Variants in SCAMP1 observed in about 807,000 individuals in gnomAD.
SCAMP1 encodes secretory carrier-associated membrane protein 1.
A neutral mutation model predicts 41.8 loss-of-function variants in SCAMP1; 15 were observed. The ratio of observed to expected loss-of-function variants is 0.36; its 90% CI spans 0.24 to 0.55. SCAMP1 has a LOEUF of 0.55. Among genes scored for constraint, SCAMP1 ranks in the 20% least tolerant of loss-of-function variants. The pLI, the probability that SCAMP1 is intolerant of heterozygous loss-of-function variation, is 0.86. For synonymous variants in SCAMP1, 135 were observed against 136.8 expected (o/e 0.99, Z 0.09); for missense variants, 341 against 412.6 (o/e 0.83, Z 1.50).
intron 2 of SCAMP1, among the ~76,000 whole-genome samples, chr5:78,398,496 C>G (rs10067296): frequency 0.37 from 53,425 of 145,160 alleles, 11,886 homozygotes; most frequent in Non-Finnish European, 0.5. Flanking sequence ...TCCCAAAATG[C>G]TAGGATTACA....
At chr5:78,467,153 T>G (rs1181519743) in intron 8 of SCAMP1, among the ~76,000 whole-genome samples, 2 of 152,192 alleles carry the variant, frequency 1.3e-5, no homozygotes, top group Non-Finnish European at 2.9e-5. Flanking sequence ...AACTTTAGGC[T>G]GGATTTCTAG....
At position 78,453,398 on chromosome 5, in the gene SCAMP1, A is replaced by C. The variant is rs1016049316; in HGVS notation, c.734+3364A>C. On this transcript the variant is annotated intron_variant, in intron 7 of 8. Transcript: ENST00000621999. ...GGAAGGGATCCAGTTTCAGCTTTCT[A>C]CATATGGCTAGCCAGTTTTCCCAGC... is the stretch of plus-strand genomic sequence containing the variant. Among the ~76,000 whole-genome samples, 312 of 150,276 alleles carry C rather than the reference A, an allele frequency of 2.1e-3. 1 individual carries two copies. Among genetic ancestry groups the C allele is most frequent in the African/African-American group, 7.2e-3 (296 of 40,832 alleles).
At chr5:78,372,022 A>G (rs1379567443) in intron 1 of SCAMP1, among the ~76,000 whole-genome samples, 3 of 152,244 alleles carry the variant, frequency 2.0e-5, no homozygotes, top group East Asian at 3.8e-4. Context: ...TTTAGTATAT[A>G]TAGCTATTAA....
At chr5:78,365,232 T>G (rs925702397) in intron 1 of SCAMP1, among the ~76,000 whole-genome samples, 24 of 152,152 alleles carry the variant, frequency 1.6e-4, no homozygotes, top group Middle Eastern at 3.4e-3. Flanking sequence ...CCCAGCACTT[T>G]GGGAGGCTGA....
intron 4 of SCAMP1, among the ~76,000 whole-genome samples, chr5:78,417,477 A>G (rs905446191): frequency 1.6e-4 from 24 of 152,230 alleles, no homozygotes; most frequent in African/African-American, 5.8e-4. Flanking sequence ...CTATTTCTTT[A>G]GCACTGGCAA....
intron 3 of SCAMP1, 120 bp downstream of exon 3, chr5:78,415,738 T>C (rs1752194665): frequency 1.5e-6 from 1 of 658,356 alleles, no homozygotes; most frequent in Admixed American, 2.8e-5. Context: ...TTAACTCACT[T>C]TCAAGTCTGG....
chr5:78,411,107 A>C (rs1561265054), intron 2 of SCAMP1, among the ~76,000 whole-genome samples: 4 of 152,054 alleles, frequency 2.6e-5, no homozygotes, highest in African/African-American at 9.7e-5. Context: ...CTCTGCTGAT[A>C]GTTTGTTTTG....
chr5:78,460,732 G>C (rs896805461), intron 8 of SCAMP1, among the ~76,000 whole-genome samples: 3 of 141,962 alleles, frequency 2.1e-5, no homozygotes, highest in Admixed American at 6.9e-5. Flanking sequence ...TCTTTCTTTT[G>C]GTTTCTTTTC....
intron 6 of SCAMP1, among the ~76,000 whole-genome samples, chr5:78,422,318 GT>G (rs35210440): frequency 0.71 from 103,991 of 147,412 alleles, 36,894 homozygotes; most frequent in South Asian, 0.76. Context: ...GGTGCTTATG[GT>G]TTTTTTTTTT....
intron 1 of SCAMP1, among the ~76,000 whole-genome samples, chr5:78,386,127 G>T (rs1336607594): frequency 6.6e-6 from 1 of 152,010 alleles, no homozygotes; most frequent in East Asian, 1.9e-4. Context: ...TTATAAATTT[G>T]GGACCTCCAG....
At chr5:78,389,044 A>G (rs986668790) in intron 2 of SCAMP1, 130 bp downstream of exon 2, 2 of 495,116 alleles carry the variant, frequency 4.0e-6, no homozygotes, top group African/African-American at 2.0e-5. Flanking sequence ...TTTAGTATTC[A>G]GCAAACTTGG....
chr5:78,384,074 GT>G (rs1751278208), intron 1 of SCAMP1, among the ~76,000 whole-genome samples: 1 of 149,270 alleles, frequency 6.7e-6, no homozygotes, highest in African/African-American at 2.5e-5. Flanking sequence ...CATGGGATGT[GT>G]TTTCATTTGT....
intron 6 of SCAMP1, among the ~76,000 whole-genome samples, chr5:78,445,312 G>T (rs927477696): frequency 1.3e-5 from 2 of 152,180 alleles, no homozygotes; most frequent in Non-Finnish European, 2.9e-5. Context: ...TTTCCAGTAG[G>T]CTTTGATCTG....
chr5:78,427,875 C>T (rs1752505938), intron 6 of SCAMP1, among the ~76,000 whole-genome samples: 1 of 151,912 alleles, frequency 6.6e-6, no homozygotes, highest in African/African-American at 2.4e-5. Flanking sequence ...TTTAAAAATT[C>T]TGTTGTTGAC....
At chr5:78,364,749 T>G (rs11955710) in intron 1 of SCAMP1, among the ~76,000 whole-genome samples, 56,101 of 151,998 alleles carry the variant, frequency 0.37, 12,477 homozygotes, top group Non-Finnish European at 0.5. Flanking sequence ...CACTAACTGG[T>G]TGTGAGACCT....
chr5:78,387,712 G>A (rs1181234025), intron 1 of SCAMP1, among the ~76,000 whole-genome samples: 1 of 152,146 alleles, frequency 6.6e-6, no homozygotes, highest in Non-Finnish European at 1.5e-5. Context: ...CTGAACTACA[G>A]TGATTGTTAT....
intron 2 of SCAMP1, among the ~76,000 whole-genome samples, chr5:78,414,365 C>A (rs1752157118): frequency 6.6e-6 from 1 of 152,020 alleles, no homozygotes; most frequent in Admixed American, 6.6e-5. Flanking sequence ...TCACTGCAAC[C>A]TCCGCCTCCC....
intron 4 of SCAMP1, among the ~76,000 whole-genome samples, chr5:78,417,653 A>G (rs1412772382): frequency 6.6e-6 from 1 of 152,182 alleles, no homozygotes; most frequent in Non-Finnish European, 1.5e-5. Context: ...TTTTATTCTC[A>G]TTTTACAGAT....
Position 78,454,555 on chromosome 5 carries a change from C to T in SCAMP1, c.734+4521C>T, listed in dbSNP as rs1380350958. 8.8e-3 allele frequency among the ~76,000 whole-genome samples: 1,331 copies of T among 151,940 alleles called. 13 individuals carry two copies. Among genetic ancestry groups the T allele is most frequent in the African/African-American group, 0.03 (1,253 of 41,430 alleles). On this transcript the variant is annotated intron_variant, in intron 7 of 8. Transcript: ENST00000621999. The stretch of plus-strand genomic sequence containing the variant: ...AGCCCACTTGATCATGGTGGATAAG[C>T]TTTTTGATGTGCTGCTGGATTCGTT...
Sources: gnomAD v4.1 joint callset for allele counts (sites outside exome capture counted in the v4.1 genomes callset) on GRCh38, gnomAD v4.1.1 for gene constraint, MANE v1.5 for transcripts, NCBI Gene and HGNC (gene_info 2026-07-23, HGNC 2026-07-21) for gene names.